MGA: variants seen among roughly 807,000 people sequenced by gnomAD.
MGA encodes the protein MAX dimerization protein MGA.
MGA carries 40 observed loss-of-function variants against 261.1 expected under a neutral mutation model. The observed-to-expected ratio is 0.15, with a 90% CI of 0.12 to 0.20. The LOEUF (loss-of-function observed/expected upper bound fraction) is 0.20, where lower values mean the gene tolerates loss of function less well. MGA is among the 10% of genes least tolerant of loss of function. MGA has a pLI of 1.00. For synonymous variants in MGA, 1,302 were observed against 1,290.6 expected (o/e 1.01, Z -0.19); for missense variants, 3,397 against 3,630.5 (o/e 0.94, Z 1.65).
chr15:41,750,456 A>G lies in MGA; in HGVS notation c.6849A>G (p.Pro2283=), dbSNP rs2062769077. 6.2e-7 allele frequency: 1 copy of G among 1,614,006 alleles called. No individual in the cohort carries two copies. Among genetic ancestry groups the G allele is most frequent in the East Asian group, 2.2e-5 (1 of 44,878 alleles). The change falls in exon 17 of 24, where the codon CCA becomes CCG. Residue 2283 remains proline, a synonymous_variant. Transcript: ENST00000219905. The stretch of plus-strand genomic sequence containing the variant: ...TGCTACCTGGAGAACAGATACAACC[A>G]AAGCAAGAGAAGAAGGGTGGGAGAA...
intron 1 of MGA, among the ~76,000 whole-genome samples, chr15:41,633,561 A>G (rs929262259): frequency 1.3e-5 from 2 of 151,984 alleles, no homozygotes; most frequent in African/African-American, 4.8e-5. Context: ...CAAAATCTGA[A>G]TTGAGATTGA....
chr15:41,739,082 C>T (rs567200580), intron 13 of MGA, among the ~76,000 whole-genome samples: 1 of 151,892 alleles, frequency 6.6e-6, no homozygotes, highest in East Asian at 1.9e-4. Flanking sequence ...GCAATATGAC[C>T]TAGAGAACAT....
Position 41,634,745 on chromosome 15 carries a change from G to C in MGA, c.-68+13447G>C, listed in dbSNP as rs145352242. 5.4e-3 allele frequency among the ~76,000 whole-genome samples: 826 copies of C among 152,222 alleles called. 6 individuals carry two copies. The highest frequency in any genetic ancestry group is 0.019 in the African/African-American group (798 of 41,524). On this transcript the variant is annotated intron_variant, in intron 1 of 8. Transcript: ENST00000566718. ...GGTAAATGCATATAATGTATGTTCA[G>C]GGAGCGTTTGGTTAGAATGAGGTTT...
At chr15:41,698,298 A>G (rs897549196) in intron 3 of MGA, among the ~76,000 whole-genome samples, 12 of 150,646 alleles carry the variant, frequency 8.0e-5, no homozygotes, top group African/African-American at 2.9e-4. Context: ...CCTCCCGAGT[A>G]GCTGGGACTA....
In MGA at chr15:41,762,934, AG is replaced by A. The variant is rs763642834; in HGVS notation, c.7744+573del. Among the ~76,000 whole-genome samples the A allele has an allele frequency of 3.0e-3, 459 of 152,202 alleles. 4 individuals are homozygous for A. Among genetic ancestry groups the A allele is most frequent in the Admixed American group, 5.0e-3 (76 of 15,288 alleles). ...CTATAGTCATGTATTTTTAATGAGTAGTTTTTTAAACTTATCTTTTCAGACT... is the reference window on the plus strand; with the variant it reads ...CTATAGTCATGTATTTTTAATGAGTATTTTTTAAACTTATCTTTTCAGACT... On this transcript the variant is annotated intron_variant, in intron 22 of 23. Transcript: ENST00000219905.
chr15:41,634,140 A>G (rs2056651526), intron 1 of MGA, among the ~76,000 whole-genome samples: 1 of 152,164 alleles, frequency 6.6e-6, no homozygotes, highest in African/African-American at 2.4e-5. Flanking sequence ...GCATCACAGT[A>G]TATAACACAC....
chr15:41,701,194 T>G (rs2059834597), intron 5 of MGA, among the ~76,000 whole-genome samples: 1 of 152,102 alleles, frequency 6.6e-6, no homozygotes, highest in Non-Finnish European at 1.5e-5. Context: ...CCCTTTTCCT[T>G]TCTTCATTTC....
At chr15:41,647,747 G>A (rs1205873662) in intron 1 of MGA, among the ~76,000 whole-genome samples, 2 of 136,308 alleles carry the variant, frequency 1.5e-5, no homozygotes, top group Admixed American at 7.8e-5. Flanking sequence ...ATTTAGCTAA[G>A]GTTCACCTTT....
chr15:41,625,304 A>G (rs2056421573), intron 1 of MGA, among the ~76,000 whole-genome samples: 1 of 152,158 alleles, frequency 6.6e-6, no homozygotes, highest in Admixed American at 6.6e-5. Context: ...ATTCATTTGT[A>G]TTTATTGAGT....
chr15:41,621,694 G>A (rs1055537819), intron 1 of MGA: 2 of 152,220 alleles, frequency 1.3e-5, no homozygotes, highest in African/African-American at 2.4e-5. Flanking sequence ...TTGTGCGTTG[G>A]GGGGAAGGAG....
chr15:41,667,337 C>T (rs1009486853), intron 1 of MGA, among the ~76,000 whole-genome samples: 3 of 152,006 alleles, frequency 2.0e-5, no homozygotes, highest in Non-Finnish European at 4.4e-5. Flanking sequence ...ACTCCACCTC[C>T]TGGGTTCAAG....
At chr15:41,645,970 T>A (rs928926961) in intron 1 of MGA, among the ~76,000 whole-genome samples, 1 of 152,236 alleles carries the variant, frequency 6.6e-6, no homozygotes, top group Non-Finnish European at 1.5e-5. Context: ...TGGTGAAGTC[T>A]GTCAGAAAAG....
chr15:41,767,223 A>G lies in MGA; in HGVS notation c.9141A>G (p.Ala3047=). The G allele has an allele frequency of 6.2e-7, 1 of 1,613,932 alleles. No individual in the cohort carries two copies. The highest frequency in any genetic ancestry group is 8.5e-7 in the Non-Finnish European group (1 of 1,179,860). Reference sequence around the variant, plus strand: ...AAAGCAAGGTGATGCCTACATTGGCACCTGTTGTGGCTAAATTGGGCAACT... The same window carrying G: ...AAAGCAAGGTGATGCCTACATTGGCGCCTGTTGTGGCTAAATTGGGCAACT... Residue 3047 remains alanine (A), a synonymous_variant, in exon 24 of 24, where the codon GCA becomes GCG. Transcript: ENST00000219905.
chr15:41,652,822 C>G (rs942365196), intron 1 of MGA, among the ~76,000 whole-genome samples: 1 of 151,896 alleles, frequency 6.6e-6, no homozygotes, highest in Non-Finnish European at 1.5e-5. Flanking sequence ...TATTCATTTT[C>G]CCCAGTTTTA....
intron 17 of MGA, chr15:41,750,911 C>G (rs911124872): frequency 2.2e-4 from 51 of 229,794 alleles, no homozygotes; most frequent in African/African-American, 1.1e-3. Context: ...AACCACTACT[C>G]CCATTTGACC....
chr15:41,711,699 T>A (rs562713573), intron 8 of MGA, among the ~76,000 whole-genome samples: 1 of 152,300 alleles, frequency 6.6e-6, no homozygotes, highest in Non-Finnish European at 1.5e-5. Context: ...ATTGTGCTTT[T>A]ATTTTTTATT....
chr15:41,728,405 A>G lies in MGA; in HGVS notation c.3658-759A>G, dbSNP rs188168267. Among the ~76,000 whole-genome samples the G allele has an allele frequency of 5.3e-5, 8 of 152,326 alleles. No homozygotes were observed. The East Asian group carries it at 1.3e-3, about 26-fold the overall frequency. On this transcript the variant is annotated intron_variant, in intron 10 of 23. Transcript: ENST00000219905. ...TCTCCACGCAGTCCAAATTCTGCAT[A>G]TAATTTTCAACTCCCCCAAAACTGA...
At chr15:41,740,702 ACTT>A (rs1328859277) in intron 14 of MGA, among the ~76,000 whole-genome samples, 1 of 152,174 alleles carries the variant, frequency 6.6e-6, no homozygotes, top group African/African-American at 2.4e-5. Flanking sequence ...TTCTGTTGAT[ACTT>A]CTTAAACTTA....
chr15:41,725,392 A>G lies in MGA; in HGVS notation c.3431-1788A>G, dbSNP rs1055904840. The stretch of plus-strand genomic sequence containing the variant: ...TTTTAAAGACCTAAAATTTATTTTT[A>G]AAGACCTATGCAGGCATGGTGGCAT... On this transcript the variant is annotated intron_variant, in intron 9 of 23. Coordinates refer to ENST00000219905, the MANE Select transcript of MGA (RefSeq NM_001164273.2). Among the ~76,000 whole-genome samples, 3 of 152,288 alleles carry G rather than the reference A, an allele frequency of 2.0e-5. No individual in the cohort carries two copies. The South Asian group carries it at 6.2e-4, about 32-fold the overall frequency.
Sources: allele counts gnomAD v4.1 joint callset (sites outside exome capture counted in the v4.1 genomes callset), GRCh38; gene constraint gnomAD v4.1.1; transcripts MANE v1.5; gene names NCBI Gene and HGNC (gene_info 2026-07-23, HGNC 2026-07-21).